TIMP2: variants seen among roughly 807,000 people sequenced by gnomAD.
TIMP2 encodes TIMP metallopeptidase inhibitor 2, also known as metalloproteinase inhibitor 2.
TIMP2 carries 5 observed loss-of-function variants against 24.3 expected under a neutral mutation model. The observed-to-expected ratio is 0.21, with a 90% CI of 0.11 to 0.43. The LOEUF is 0.43. Ranked by LOEUF, TIMP2 falls within the 20% of genes least tolerant of loss-of-function variation. The pLI is 1.00. For synonymous variants in TIMP2, 130 were observed against 123.2 expected (o/e 1.06, Z -0.37); for missense variants, 221 against 297.5 (o/e 0.74, Z 1.89).
In TIMP2 at chr17:78,891,571, C is replaced by T; in HGVS notation, c.131-17652G>A. Reference sequence around the variant, plus strand: ...TTCTGCAGCTGGAATCAGCTGGCCACAGCTGCCCGAGGTCTCTCAGCTTCC... The same window carrying T: ...TTCTGCAGCTGGAATCAGCTGGCCATAGCTGCCCGAGGTCTCTCAGCTTCC... On this transcript the variant is annotated intron_variant, in intron 1 of 4. Transcript: ENST00000262768. The surrounding 1 kb of genome is among the most constrained non-coding windows in gnomAD (Gnocchi z 4.5). 1 of 1,550,900 alleles carries T rather than the reference C, an allele frequency of 6.4e-7. No individual in the cohort carries two copies. The highest frequency in any genetic ancestry group is 8.7e-7 in the Non-Finnish European group (1 of 1,147,056).
intron 1 of TIMP2, among the ~76,000 whole-genome samples, chr17:78,895,142 G>A (rs1292663850): frequency 6.6e-6 from 1 of 152,122 alleles, no homozygotes. Context: ...TTAGCCGGGT[G>A]TGGTGGTACG....
chr17:78,895,065 G>A (rs577112805), intron 1 of TIMP2, among the ~76,000 whole-genome samples: 2 of 152,270 alleles, frequency 1.3e-5, no homozygotes, highest in East Asian at 3.9e-4. Flanking sequence ...CGGATCACTT[G>A]AGGTCAGGAG....
intron 1 of TIMP2, chr17:78,892,638 A>G (rs1451941161): frequency 1.1e-6 from 1 of 908,508 alleles, no homozygotes; most frequent in African/African-American, 1.7e-5. Context: ...TCTGTCCTGT[A>G]CACTTTTGAC....
At chr17:78,914,330 T>A (rs926927774) in intron 1 of TIMP2, among the ~76,000 whole-genome samples, 2 of 151,866 alleles carry the variant, frequency 1.3e-5, no homozygotes, top group African/African-American at 4.8e-5. Flanking sequence ...CCAGGCTGGA[T>A]GGAGTACGGT....
rs138103691 is a variant in TIMP2, at chr17:78,870,759, G to A, written c.340+139C>T. On this transcript the variant is annotated intron_variant, in intron 3 of 4. Transcript: ENST00000262768. ...ATTCTCTGACGGGAAGTGGCCGAGA[G>A]GGCTCCGTACCCTGCCTCACTGTTC... 1.8e-3 allele frequency: 1,012 copies of A among 564,516 alleles called. 6 individuals are homozygous for A. The highest frequency in any genetic ancestry group is 0.017 in the African/African-American group (872 of 52,330). 35.0% of individuals were successfully genotyped at this position (564,516 alleles called of 1,614,324 possible).
At chr17:78,870,330 C>A (rs1051890800) in intron 3 of TIMP2, among the ~76,000 whole-genome samples, 7 of 151,300 alleles carry the variant, frequency 4.6e-5, no homozygotes, top group Non-Finnish European at 8.8e-5. Flanking sequence ...GCAGGAGAAT[C>A]GCTTGAACCC....
At chr17:78,874,055 G>C in intron 1 of TIMP2, 136 bp from the exon 2 acceptor site, 3 of 668,934 alleles carry the variant, frequency 4.5e-6, no homozygotes, top group South Asian at 1.9e-5. Flanking sequence ...ACGGGCAAGG[G>C]GCATGGTGAT....
In TIMP2 at chr17:78,854,761, A is replaced by C. The variant is rs1310411728; in HGVS notation, c.*906T>G. 1 of 152,108 alleles carries C rather than the reference A, an allele frequency of 6.6e-6. No individual in the cohort carries two copies. The highest frequency in any genetic ancestry group is 2.4e-5 in the African/African-American group (1 of 41,388). The allele number at this position is 152,108 out of a possible 1,614,324, so 9.4% of individuals were successfully genotyped here. The stretch of plus-strand genomic sequence containing the variant: ...CTGCACACAAGCCCGGATAAAGCAA[A>C]GCTGTGCAACTCAATCCAGGTGCCT... On this transcript the variant is annotated 3_prime_UTR_variant, in exon 5 of 5. Transcript: ENST00000262768.
chr17:78,862,146 G>A (rs527998437), intron 3 of TIMP2, among the ~76,000 whole-genome samples: 2 of 152,316 alleles, frequency 1.3e-5, no homozygotes, highest in African/African-American at 4.8e-5. Context: ...AACTCTGTAT[G>A]AGTCTCCTGG....
chr17:78,867,567 TGA>T (rs1050652321), intron 3 of TIMP2, among the ~76,000 whole-genome samples: 55 of 151,460 alleles, frequency 3.6e-4, no homozygotes, highest in Non-Finnish European at 5.4e-4. Context: ...CTTGGACCTG[TGA>T]GAGTCTCTCT....
intron 1 of TIMP2, among the ~76,000 whole-genome samples, chr17:78,884,289 G>A (rs9898248): frequency 6.6e-6 from 1 of 152,234 alleles, no homozygotes; most frequent in African/African-American, 2.4e-5. Flanking sequence ...GGGGGGCTGC[G>A]ACAGCGCGAG....
rs140056049 is a variant in TIMP2 at position 78,894,149 on chromosome 17, C to T, written c.131-20230G>A. ...TCCCCTCTGAGCACTGGGCATGTAT[C>T]CGTTCATCTTTTTTACAGTAATCCT... On this transcript the variant is annotated intron_variant, in intron 1 of 4. Coordinates refer to ENST00000262768, the MANE Select transcript of TIMP2 (RefSeq NM_003255.5). Among the ~76,000 whole-genome samples the T allele has an allele frequency of 4.9e-3, 743 of 152,250 alleles. 4 individuals are homozygous for T. The highest frequency in any genetic ancestry group is 0.017 in the African/African-American group (694 of 41,542).
At chr17:78,889,398 T>C (rs2069858523) in intron 1 of TIMP2, among the ~76,000 whole-genome samples, 1 of 152,216 alleles carries the variant, frequency 6.6e-6, no homozygotes, top group African/African-American at 2.4e-5. Context: ...GCTTGTCTTC[T>C]CTTTTCCGTC....
chr17:78,863,597 G>A (rs958605274), intron 3 of TIMP2, among the ~76,000 whole-genome samples: 10 of 152,058 alleles, frequency 6.6e-5, no homozygotes, highest in African/African-American at 9.7e-5. Context: ...GCTTTCTACC[G>A]AGGATCCCGC....
chr17:78,917,372 G>A lies in TIMP2; in HGVS notation c.130+7587C>T, dbSNP rs375468504. Among the ~76,000 whole-genome samples the A allele has an allele frequency of 3.9e-5, 6 of 152,276 alleles. No homozygotes were observed. In the South Asian group the frequency reaches 6.2e-4, roughly 16 times the overall value. ...TTGAACCCGGGAGGCGGAGGTTGCAGTGAGCCAAGATCGCACCACTGCATT... is the reference window on the plus strand; with the variant it reads ...TTGAACCCGGGAGGCGGAGGTTGCAATGAGCCAAGATCGCACCACTGCATT... On this transcript the variant is annotated intron_variant, in intron 1 of 4. Transcript: ENST00000262768.
At chr17:78,876,539 G>A (rs1012642652) in intron 1 of TIMP2, among the ~76,000 whole-genome samples, 6 of 151,820 alleles carry the variant, frequency 4.0e-5, no homozygotes, top group Middle Eastern at 3.4e-3. Context: ...TTTTTGAGAC[G>A]GAGTTTCACT....
chr17:78,864,650 A>G (rs2069594423), intron 3 of TIMP2, among the ~76,000 whole-genome samples: 1 of 152,188 alleles, frequency 6.6e-6, no homozygotes, highest in Non-Finnish European at 1.5e-5. Context: ...GTAGTATCTG[A>G]GTTAAAAAGT....
intron 1 of TIMP2, among the ~76,000 whole-genome samples, chr17:78,910,266 C>T (rs531604242): frequency 2.6e-4 from 39 of 151,372 alleles, no homozygotes; most frequent in African/African-American, 9.2e-4. Flanking sequence ...GATCTCGGCT[C>T]GCTGCAACCT....
intron 1 of TIMP2, among the ~76,000 whole-genome samples, chr17:78,917,456 C>T (rs963509301): frequency 1.3e-5 from 2 of 152,188 alleles, no homozygotes; most frequent in African/African-American, 2.4e-5. Flanking sequence ...CCTTGACACA[C>T]TTGCCATAGT....
Sources: allele counts gnomAD v4.1 joint callset (sites outside exome capture counted in the v4.1 genomes callset), GRCh38; gene constraint gnomAD v4.1.1; non-coding constraint Gnocchi (gnomAD v3.1); transcripts MANE v1.5; gene names NCBI Gene and HGNC (gene_info 2026-07-23, HGNC 2026-07-21).